Variants in SOX6 observed in about 807,000 individuals in gnomAD.
SOX6 encodes transcription factor SOX-6.
SOX6 carries 11 observed loss-of-function variants against 97.8 expected under a neutral mutation model. The ratio of observed to expected loss-of-function variants is 0.11; its 90% CI spans 0.07 to 0.19. The LOEUF (loss-of-function observed/expected upper bound fraction) is 0.19. SOX6 is among the 10% of genes least tolerant of loss of function. The pLI, the probability that SOX6 is intolerant of heterozygous loss-of-function variation, is 1.00. For missense variants in SOX6, 810 were observed against 1,039.5 expected, an observed-to-expected ratio of 0.78 and a Z score of 3.04; for synonymous variants, 360 against 371.4, an observed-to-expected ratio of 0.97 and a Z score of 0.35.
chr11:16,433,677 G>A (rs1859313074), intron 1 of SOX6, among the ~76,000 whole-genome samples: 1 of 152,014 alleles, frequency 6.6e-6, no homozygotes, highest in African/African-American at 2.4e-5. Flanking sequence ...CAGGAGACTT[G>A]AAGAAGGTCA....
intron 12 of SOX6, among the ~76,000 whole-genome samples, chr11:16,044,966 G>A (rs375763542): frequency 2.6e-5 from 4 of 151,154 alleles, no homozygotes; most frequent in African/African-American, 7.3e-5. Context: ...CTGTCTATCT[G>A]TCTATCTATC....
At chr11:16,604,944 C>A (rs1848316659) in intron 4 of SOX6, among the ~76,000 whole-genome samples, 2 of 152,282 alleles carry the variant, frequency 1.3e-5, no homozygotes, top group South Asian at 4.1e-4. Context: ...CCGAGCTAAT[C>A]TGCCCTCAGC....
chr11:16,248,450 G>C (rs761746852), intron 3 of SOX6, among the ~76,000 whole-genome samples: 1 of 152,156 alleles, frequency 6.6e-6, no homozygotes, highest in Non-Finnish European at 1.5e-5. Context: ...CTTCTACCTG[G>C]ACATCCTGGT....
intron 9 of SOX6, among the ~76,000 whole-genome samples, chr11:16,091,278 G>A (rs1466159675): frequency 1.5e-4 from 23 of 152,186 alleles, no homozygotes; most frequent in Admixed American, 1.5e-3. Context: ...CTTTGAGTCA[G>A]TTCATTCCTC....
chr11:16,184,019 A>T, intron 5 of SOX6, 65 bp from the exon 6 acceptor site: 2 of 1,372,710 alleles, frequency 1.5e-6, no homozygotes, highest in Non-Finnish European at 2.1e-6. Flanking sequence ...TACCTCAGGT[A>T]TTTCTCCTGG....
chr11:16,231,017 A>T (rs573842180), intron 4 of SOX6, among the ~76,000 whole-genome samples: 11 of 151,896 alleles, frequency 7.2e-5, no homozygotes, highest in African/African-American at 2.6e-4. Flanking sequence ...TTTCTAGTTG[A>T]CATTATTCAT....
intron 2 of SOX6, among the ~76,000 whole-genome samples, chr11:16,736,021 G>C (rs1346256350): frequency 6.6e-6 from 1 of 152,144 alleles, no homozygotes; most frequent in Non-Finnish European, 1.5e-5. Flanking sequence ...AGTTCTCAGT[G>C]ACAGGGCCTC....
At chr11:16,180,258 G>A (rs930165670) in intron 6 of SOX6, among the ~76,000 whole-genome samples, 5 of 151,720 alleles carry the variant, frequency 3.3e-5, no homozygotes, top group African/African-American at 2.4e-5. Flanking sequence ...AGTGAATTCT[G>A]TTTACCAGTT....
At chr11:16,256,521 ACT>A (rs1427883034) in intron 3 of SOX6, among the ~76,000 whole-genome samples, 3 of 151,876 alleles carry the variant, frequency 2.0e-5, no homozygotes, top group African/African-American at 4.8e-5. Context: ...TTAAAAAAGA[ACT>A]CTCAGCAAGC....
intron 3 of SOX6, among the ~76,000 whole-genome samples, chr11:16,302,916 T>C (rs1855308894): frequency 6.6e-6 from 1 of 152,154 alleles, no homozygotes; most frequent in Non-Finnish European, 1.5e-5. Context: ...TCTTCTACTA[T>C]TGTACTTATG....
intron 1 of SOX6, among the ~76,000 whole-genome samples, chr11:16,433,472 A>C (rs531699357): frequency 1.5e-4 from 23 of 152,274 alleles, no homozygotes; most frequent in Admixed American, 1.2e-3. Context: ...GGTCAGCTAG[A>C]TTTGGAATAT....
rs1416204791 is a variant in SOX6 at position 16,605,695 on chromosome 11, C to T, written n.609+6386G>A. On this transcript the variant is annotated intron_variant and non_coding_transcript_variant, in intron 4 of 5. Coordinates refer to the SOX6 transcript ENST00000524520. The surrounding 1 kb of genome is among the most constrained non-coding windows in gnomAD (Gnocchi z 5.3). ...CCCGCCCGCCCTCAACCAGTGTCAA[C>T]CCCACAAACAGCCTAAGTTTCCAAA... is the stretch of plus-strand genomic sequence containing the variant. Among the ~76,000 whole-genome samples the T allele has an allele frequency of 6.6e-6, 1 of 151,954 alleles. No homozygotes were observed.
At chr11:16,235,930 A>T (rs1043079583) in intron 3 of SOX6, among the ~76,000 whole-genome samples, 8 of 152,058 alleles carry the variant, frequency 5.3e-5, no homozygotes, top group African/African-American at 1.9e-4. Flanking sequence ...TCAATCAATC[A>T]AGGAAGGGAT....
At chr11:16,093,159 T>C (rs2133970233) in intron 9 of SOX6, among the ~76,000 whole-genome samples, 1 of 152,130 alleles carries the variant, frequency 6.6e-6, no homozygotes, top group Non-Finnish European at 1.5e-5. Flanking sequence ...GAGTTACAGT[T>C]TCTGATTGTT....
intron 3 of SOX6, among the ~76,000 whole-genome samples, chr11:16,687,986 T>C (rs1424656612): frequency 6.6e-6 from 1 of 152,164 alleles, no homozygotes; most frequent in Non-Finnish European, 1.5e-5. Flanking sequence ...TTAATAATTT[T>C]TTTTGACACA....
At chr11:16,198,947 T>A (rs897871382) in intron 4 of SOX6, among the ~76,000 whole-genome samples, 2 of 152,168 alleles carry the variant, frequency 1.3e-5, no homozygotes, top group Non-Finnish European at 1.5e-5. Context: ...GTATACTTCC[T>A]ACGTGTCAGC....
At chr11:16,279,032 T>C (rs1854479894) in intron 3 of SOX6, among the ~76,000 whole-genome samples, 2 of 152,118 alleles carry the variant, frequency 1.3e-5, no homozygotes, top group Non-Finnish European at 2.9e-5. Context: ...AGTGTCTTTT[T>C]TTCCTCTTAG....
chr11:16,378,123 G>A (rs989679263), intron 1 of SOX6, among the ~76,000 whole-genome samples: 1 of 152,082 alleles, frequency 6.6e-6, no homozygotes, highest in Admixed American at 6.6e-5. Context: ...CAACCTAAAT[G>A]TTCAACAGTT....
At chr11:16,431,404 A>G (rs979167069) in intron 1 of SOX6, among the ~76,000 whole-genome samples, 5 of 152,150 alleles carry the variant, frequency 3.3e-5, no homozygotes, top group African/African-American at 4.8e-5. Flanking sequence ...GATAACTTCC[A>G]TACAACAAAC....
Sources: gnomAD v4.1 joint callset for allele counts (sites outside exome capture counted in the v4.1 genomes callset) on GRCh38, gnomAD v4.1.1 for gene constraint, Gnocchi (gnomAD v3.1) non-coding constraint, MANE v1.5 for transcripts, NCBI Gene and HGNC (gene_info 2026-07-23, HGNC 2026-07-21) for gene names.